Variants in UHRF2 observed in about 807,000 individuals in gnomAD.
UHRF2 encodes the protein E3 ubiquitin-protein ligase UHRF2.
Under a neutral mutation model 96.8 loss-of-function variants are expected in UHRF2, and 23 were observed. The observed-to-expected ratio is 0.24, with a 90% CI of 0.17 to 0.34. The LOEUF is 0.34. Among genes scored for constraint, UHRF2 ranks in the 10% least tolerant of loss-of-function variants. UHRF2 has a pLI of 1.00. For synonymous variants in UHRF2, 385 were observed against 332.6 expected (o/e 1.16, Z -1.72); for missense variants, 685 against 981.5 (o/e 0.70, Z 4.04).
chr9:6,489,267 C>G (rs1001891759), intron 9 of UHRF2, among the ~76,000 whole-genome samples: 2 of 152,146 alleles, frequency 1.3e-5, no homozygotes, highest in African/African-American at 4.8e-5. Flanking sequence ...TTGATGAGTA[C>G]TAGTCCATGG....
intron 4 of UHRF2, among the ~76,000 whole-genome samples, chr9:6,462,900 G>C (rs909292331): frequency 2.0e-5 from 3 of 149,580 alleles, no homozygotes; most frequent in African/African-American, 4.9e-5. Context: ...CTGGGCTACA[G>C]AGCGAGACTC....
intron 4 of UHRF2, among the ~76,000 whole-genome samples, chr9:6,473,637 C>T (rs1427274072): frequency 6.6e-6 from 1 of 152,250 alleles, no homozygotes; most frequent in African/African-American, 2.4e-5. Flanking sequence ...GAGACTGAGT[C>T]TTTAGCCCAG....
At chr9:6,448,458 A>C (rs149287409) in intron 3 of UHRF2, among the ~76,000 whole-genome samples, 1 of 152,342 alleles carries the variant, frequency 6.6e-6, no homozygotes, top group East Asian at 1.9e-4. Flanking sequence ...TTCTAGAGCC[A>C]GGTGATCAGT....
At chr9:6,431,013 A>C (rs973564524) in intron 2 of UHRF2, among the ~76,000 whole-genome samples, 2 of 152,132 alleles carry the variant, frequency 1.3e-5, no homozygotes, top group Non-Finnish European at 2.9e-5. Flanking sequence ...TAATTACTTC[A>C]GTTCTTAATT....
At chr9:6,468,480 G>A (rs957515704) in intron 4 of UHRF2, 1 of 455,982 alleles carries the variant, frequency 2.2e-6, no homozygotes. Context: ...CTCTGGAGAG[G>A]TAAGAATCTC....
intron 4 of UHRF2, chr9:6,468,555 T>A: frequency 2.2e-6 from 1 of 456,070 alleles, no homozygotes; most frequent in Non-Finnish European, 4.4e-6. Flanking sequence ...GGATGCAGTG[T>A]AAAATCTAGT....
At chr9:6,477,965 C>G (rs1248859444) in intron 6 of UHRF2, among the ~76,000 whole-genome samples, 157 bp downstream of exon 6, 1 of 152,218 alleles carries the variant, frequency 6.6e-6, no homozygotes, top group African/African-American at 2.4e-5. Context: ...TATTCAATTA[C>G]TGTAACAACC....
At chr9:6,422,682 T>C in intron 2 of UHRF2, 1 of 632,788 alleles carries the variant, frequency 1.6e-6, no homozygotes, top group Admixed American at 2.3e-5. Context: ...TGAACACGGC[T>C]CGCTGTAGCC....
rs532707567 is a variant in UHRF2 at position 6,428,256 on chromosome 9, G to C, written c.385-5658G>C. 2.3e-4 allele frequency among the ~76,000 whole-genome samples: 35 copies of C among 152,220 alleles called. 1 individual carries two copies. In the East Asian group the frequency reaches 6.4e-3, roughly 28 times the overall value. On this transcript the variant is annotated intron_variant, in intron 2 of 15. Coordinates refer to ENST00000276893, the MANE Select transcript of UHRF2 (RefSeq NM_152896.3). Reference sequence around the variant, plus strand: ...TATGAAATGTATTAGACAATACAAAGAGCACGATCACTGTCTATAAACACC... The same window carrying C: ...TATGAAATGTATTAGACAATACAAACAGCACGATCACTGTCTATAAACACC...
chr9:6,431,065 T>G (rs1192202816), intron 2 of UHRF2, among the ~76,000 whole-genome samples: 1 of 152,228 alleles, frequency 6.6e-6, no homozygotes, highest in Admixed American at 6.5e-5. Context: ...TCTTCTGTGT[T>G]CATATTAATC....
intron 1 of UHRF2, chr9:6,415,240 C>T (rs1312139034): frequency 6.6e-6 from 1 of 152,184 alleles, no homozygotes; most frequent in South Asian, 2.1e-4. Context: ...TTTCAGTAAA[C>T]TAGGAAGCTC....
chr9:6,487,307 G>A (rs1404941675), intron 9 of UHRF2, among the ~76,000 whole-genome samples: 4 of 146,248 alleles, frequency 2.7e-5, no homozygotes, highest in African/African-American at 1.0e-4. Context: ...TCCTGCCTCA[G>A]CCTCCCAAGT....
chr9:6,477,371 A>G (rs892209684), intron 5 of UHRF2, among the ~76,000 whole-genome samples: 1 of 151,088 alleles, frequency 6.6e-6, no homozygotes, highest in Non-Finnish European at 1.5e-5. Flanking sequence ...CTAAAAAATA[A>G]AAAAATTAGC....
At chr9:6,416,058 T>C (rs563690676) in intron 1 of UHRF2, among the ~76,000 whole-genome samples, 1 of 152,218 alleles carries the variant, frequency 6.6e-6, no homozygotes, top group African/African-American at 2.4e-5. Flanking sequence ...TTGACTCCAC[T>C]TTTTTTGTTG....
At chr9:6,477,418 C>A (rs1033583473) in intron 5 of UHRF2, among the ~76,000 whole-genome samples, 1 of 151,840 alleles carries the variant, frequency 6.6e-6, no homozygotes, top group Admixed American at 6.6e-5. Context: ...CCCAGCTACT[C>A]GAGAAGCTGA....
chr9:6,448,509 A>G (rs1273992970), intron 3 of UHRF2, among the ~76,000 whole-genome samples: 1 of 152,216 alleles, frequency 6.6e-6, no homozygotes, highest in African/African-American at 2.4e-5. Context: ...CAAATAAATA[A>G]CTTCTATGCT....
chr9:6,504,746 C>T (rs1816494649), intron 15 of UHRF2, 55 bp downstream of exon 15: 12 of 1,387,468 alleles, frequency 8.6e-6, no homozygotes, highest in African/African-American at 5.7e-5. Flanking sequence ...ACACTAATTT[C>T]TATACCTGTT....
intron 13 of UHRF2, among the ~76,000 whole-genome samples, chr9:6,500,215 G>T (rs1246155517): frequency 6.6e-6 from 1 of 152,152 alleles, no homozygotes; most frequent in Admixed American, 6.5e-5. Context: ...GGATCCTCCT[G>T]CCTCAGCCTC....
intron 3 of UHRF2, among the ~76,000 whole-genome samples, chr9:6,452,431 C>A (rs985005041): frequency 4.6e-5 from 7 of 152,122 alleles, no homozygotes; most frequent in African/African-American, 1.7e-4. Flanking sequence ...ACTTGTTTTC[C>A]CATAGCCTGT....
Sources: allele counts gnomAD v4.1 joint callset (sites outside exome capture counted in the v4.1 genomes callset), GRCh38; gene constraint gnomAD v4.1.1; transcripts MANE v1.5; gene names NCBI Gene and HGNC (gene_info 2026-07-23, HGNC 2026-07-21).